STEAP1B: variants seen among roughly 807,000 people sequenced by gnomAD.
STEAP1B encodes the protein STEAP family member 1B.
Under a neutral mutation model 27.9 loss-of-function variants are expected in STEAP1B, and 13 were observed. That is an observed-to-expected ratio of 0.47 (90% confidence interval 0.30 to 0.74). STEAP1B has a LOEUF of 0.74. STEAP1B is among the 30% of genes least tolerant of loss of function. STEAP1B has a pLI of 0.06. For synonymous variants in STEAP1B, 86 were observed against 107.1 expected, an observed-to-expected ratio of 0.80 and a Z score of 1.22; for missense variants, 250 against 298.7, an observed-to-expected ratio of 0.84 and a Z score of 1.20.
At chr7:22,439,109 C>T (rs1475374671) in intron 4 of STEAP1B, among the ~76,000 whole-genome samples, 1 of 151,980 alleles carries the variant, frequency 6.6e-6, no homozygotes, top group Non-Finnish European at 1.5e-5. Flanking sequence ...AAAACCAGAC[C>T]CTAATCTACT....
At chr7:22,443,106 C>T (rs1219697643) in intron 4 of STEAP1B, among the ~76,000 whole-genome samples, 2 of 152,192 alleles carry the variant, frequency 1.3e-5, no homozygotes, top group Admixed American at 6.5e-5. Flanking sequence ...TAGTGATCTT[C>T]CTTTCCTAAT....
Position 22,419,851 on chromosome 7 carries a change from G to A in STEAP1B, c.763-15C>T, listed in dbSNP as rs1333696397. 8 of 1,548,900 alleles carry A rather than the reference G, an allele frequency of 5.2e-6. No homozygotes were observed. Among genetic ancestry groups the A allele is most frequent in the Non-Finnish European group, 7.0e-6 (8 of 1,145,340 alleles). On this transcript the variant is annotated splice_polypyrimidine_tract_variant and intron_variant, in intron 4 of 4. Coordinates refer to ENST00000678116, the MANE Select transcript of STEAP1B (RefSeq NM_001382447.1). ...CTACCATGTACCTGGAAGGCAGACA[G>A]CAAGAAAGAGTTGATGTATAGAAGT...
At chr7:22,468,010 G>A (rs189868807) in intron 4 of STEAP1B, among the ~76,000 whole-genome samples, 195 of 152,132 alleles carry the variant, frequency 1.3e-3, no homozygotes, top group Non-Finnish European at 2.4e-3. Flanking sequence ...AAAATATTTC[G>A]TATGAAGATA....
At chr7:22,475,208 C>T (rs150569508) in intron 4 of STEAP1B, among the ~76,000 whole-genome samples, 20 of 152,312 alleles carry the variant, frequency 1.3e-4, no homozygotes, top group Non-Finnish European at 2.5e-4. Flanking sequence ...CTGCTCCTAA[C>T]GGGCACCTGG....
At chr7:22,479,098 G>C (rs1388599394) in intron 4 of STEAP1B, among the ~76,000 whole-genome samples, 1 of 152,176 alleles carries the variant, frequency 6.6e-6, no homozygotes, top group Non-Finnish European at 1.5e-5. Context: ...TTGATTTCAA[G>C]AAAATAAAGA....
chr7:22,442,500 A>G (rs1277976905), intron 4 of STEAP1B, among the ~76,000 whole-genome samples: 1 of 152,254 alleles, frequency 6.6e-6, no homozygotes, highest in African/African-American at 2.4e-5. Context: ...GTTGGGCCTC[A>G]AGGACAGGAG....
chr7:22,476,755 G>C (rs1785980006), intron 4 of STEAP1B, among the ~76,000 whole-genome samples: 1 of 152,184 alleles, frequency 6.6e-6, no homozygotes, highest in Admixed American at 6.5e-5. Context: ...TCTGGGTCAA[G>C]ATTCTGAGCA....
intron 4 of STEAP1B, among the ~76,000 whole-genome samples, chr7:22,445,805 G>A (rs1318769654): frequency 6.6e-6 from 1 of 152,224 alleles, no homozygotes; most frequent in East Asian, 1.9e-4. Flanking sequence ...TAAATGAGGA[G>A]GCAGGAGAGG....
intron 4 of STEAP1B, among the ~76,000 whole-genome samples, chr7:22,484,298 G>T (rs189202632): frequency 2.0e-5 from 3 of 152,318 alleles, no homozygotes; most frequent in African/African-American, 7.2e-5. Flanking sequence ...AATGCAGCTG[G>T]TGACTGTAAG....
chr7:22,437,521 T>C (rs1245423839), intron 4 of STEAP1B, among the ~76,000 whole-genome samples: 2 of 152,252 alleles, frequency 1.3e-5, no homozygotes, highest in Non-Finnish European at 1.5e-5. Flanking sequence ...TTTAGGTTGC[T>C]TTTATGTCTT....
chr7:22,475,806 G>C (rs932379979), intron 4 of STEAP1B, among the ~76,000 whole-genome samples: 1 of 152,202 alleles, frequency 6.6e-6, no homozygotes, highest in African/African-American at 2.4e-5. Flanking sequence ...CCAGGGACTT[G>C]AGGCCCCAAA....
At chr7:22,493,156 G>C (rs1289559109) in intron 3 of STEAP1B, among the ~76,000 whole-genome samples, 168 bp downstream of exon 3, 2 of 152,090 alleles carry the variant, frequency 1.3e-5, no homozygotes, top group Non-Finnish European at 2.9e-5. Flanking sequence ...ATATAAAACC[G>C]ACTGACAACC....
rs1785020205 is a variant in STEAP1B at position 22,419,652 on chromosome 7, C to T, written c.*152G>A. ...CTGGGGGATCCACTCATCTGCCCTGCCGGATCCATGTTGACAGAGCAGCCG... is the reference window on the plus strand; with the variant it reads ...CTGGGGGATCCACTCATCTGCCCTGTCGGATCCATGTTGACAGAGCAGCCG... On this transcript the variant is annotated 3_prime_UTR_variant, in exon 5 of 5. Transcript: ENST00000678116. 1.0e-5 allele frequency: 8 copies of T among 790,238 alleles called. No homozygotes were observed. The South Asian group carries it at 1.7e-4, about 16-fold the overall frequency. The allele number at this position is 790,238 out of a possible 1,614,324, so 49.0% of individuals were successfully genotyped here. A position where few individuals can be genotyped will look rare whatever the true frequency, so the allele number is the denominator to read the frequency against.
At chr7:22,467,352 T>G (rs1785803106) in intron 4 of STEAP1B, among the ~76,000 whole-genome samples, 1 of 152,194 alleles carries the variant, frequency 6.6e-6, no homozygotes, top group Admixed American at 6.5e-5. Context: ...AACAGTGGGT[T>G]AGTAAGGGCT....
chr7:22,484,677 C>T (rs771732007), intron 4 of STEAP1B, among the ~76,000 whole-genome samples: 2 of 152,092 alleles, frequency 1.3e-5, no homozygotes, highest in African/African-American at 2.4e-5. Context: ...TTTTATAAGG[C>T]CAGAGATGCC....
At chr7:22,487,528 T>A (rs1448223372) in intron 4 of STEAP1B, among the ~76,000 whole-genome samples, 1 of 148,632 alleles carries the variant, frequency 6.7e-6, no homozygotes, top group Non-Finnish European at 1.5e-5. Context: ...CGTTGGCTCA[T>A]GCCTGTAATC....
intron 4 of STEAP1B, among the ~76,000 whole-genome samples, chr7:22,465,949 T>C (rs937056529): frequency 6.6e-6 from 1 of 152,190 alleles, no homozygotes; most frequent in Non-Finnish European, 1.5e-5. Flanking sequence ...GCATGGCTCA[T>C]GTTCCACGGG....
At chr7:22,453,804 T>A (rs369396097) in intron 4 of STEAP1B, among the ~76,000 whole-genome samples, 10 of 152,242 alleles carry the variant, frequency 6.6e-5, no homozygotes, top group African/African-American at 1.9e-4. Context: ...ATACATGAAG[T>A]CTTACAGTAT....
intron 4 of STEAP1B, among the ~76,000 whole-genome samples, chr7:22,481,225 A>C (rs372023563): frequency 2.0e-5 from 3 of 152,280 alleles, no homozygotes; most frequent in East Asian, 3.9e-4. Context: ...ATTCACATAT[A>C]CACCTGTCCA....
Sources: gnomAD v4.1 joint callset for allele counts (sites outside exome capture counted in the v4.1 genomes callset) on GRCh38, gnomAD v4.1.1 for gene constraint, MANE v1.5 for transcripts, NCBI Gene and HGNC (gene_info 2026-07-23, HGNC 2026-07-21) for gene names.